SHANK2: variants seen among roughly 807,000 people sequenced by gnomAD.
SHANK2 encodes the protein SH3 and multiple ankyrin repeat domains protein 2.
A neutral mutation model predicts 133.7 loss-of-function variants in SHANK2; 43 were observed. The observed-to-expected ratio is 0.32, with a 90% confidence interval of 0.25 to 0.41. SHANK2 has a LOEUF of 0.41. Ranked by LOEUF, SHANK2 falls within the 10% of genes least tolerant of loss-of-function variation. The probability of loss-of-function intolerance (pLI) is 1.00; values close to 1 mark genes in which losing one functional copy is unlikely to be tolerated. For synonymous variants in SHANK2, 1,017 were observed against 952.8 expected (o/e 1.07, Z -1.24); for missense variants, 1,994 against 2,235.8 (o/e 0.89, Z 2.18).
intron 12 of SHANK2, among the ~76,000 whole-genome samples, chr11:70,819,245 G>A (rs974412172): frequency 6.6e-6 from 1 of 152,246 alleles, no homozygotes; most frequent in African/African-American, 2.4e-5. Flanking sequence ...GGCCTGTGCC[G>A]AGTCCTGCCC....
intron 17 of SHANK2, among the ~76,000 whole-genome samples, chr11:70,619,290 G>C (rs74584175): frequency 0.02 from 2,975 of 152,338 alleles, 46 homozygotes; most frequent in Non-Finnish European, 0.031. Context: ...CTGAGAGAGC[G>C]GCGTTGGCAG....
At chr11:71,113,660 C>G (rs1565458764) in intron 4 of SHANK2, among the ~76,000 whole-genome samples, 1 of 152,208 alleles carries the variant, frequency 6.6e-6, no homozygotes, top group Admixed American at 6.5e-5. Context: ...GTGACCGGCT[C>G]CCCAGCTAAC....
rs941264431 is a variant in SHANK2 at position 70,489,462 on chromosome 11, G to T, written c.2552-114C>A. Reference sequence around the variant, plus strand: ...AAGCACAGCAGACACCACCTCCACGGCCACTTACTGCCTAGTGACTGCCTA... The same window carrying T: ...AAGCACAGCAGACACCACCTCCACGTCCACTTACTGCCTAGTGACTGCCTA... On this transcript the variant is annotated intron_variant, in intron 23 of 25. Coordinates refer to ENST00000601538, the MANE Select transcript of SHANK2 (RefSeq NM_012309.5). The T allele has an allele frequency of 2.1e-5, 20 of 936,178 alleles. No homozygotes were observed. In the African/African-American group the frequency reaches 2.7e-4, roughly 13 times the overall value. The allele number at this position is 936,178 out of a possible 1,614,324, so 58.0% of individuals were successfully genotyped here.
intron 11 of SHANK2, among the ~76,000 whole-genome samples, chr11:70,858,097 G>T (rs1251602292): frequency 6.6e-6 from 1 of 152,200 alleles, no homozygotes; most frequent in East Asian, 1.9e-4. Context: ...GCCCAAATGT[G>T]CCAGGAGCTA....
chr11:71,121,900 C>T (rs2135280904), intron 3 of SHANK2, among the ~76,000 whole-genome samples: 1 of 152,306 alleles, frequency 6.6e-6, no homozygotes, highest in Middle Eastern at 3.4e-3. Flanking sequence ...AAAAAATGCT[C>T]ATCATCACTG....
At chr11:71,113,082 G>A (rs1951916082) in intron 5 of SHANK2, among the ~76,000 whole-genome samples, 2 of 152,048 alleles carry the variant, frequency 1.3e-5, no homozygotes, top group Admixed American at 1.3e-4. Context: ...AGCACCCACG[G>A]CCACACTAAG....
At chr11:70,680,806 T>TCGCAGATTGTGG (rs1945014078) in intron 15 of SHANK2, among the ~76,000 whole-genome samples, 1 of 152,152 alleles carries the variant, frequency 6.6e-6, no homozygotes, top group Admixed American at 6.5e-5. Flanking sequence ...CAACAATCTT[T>TCGCAGATTGTGG]CGCAGATTGT....
At chr11:71,252,895 T>C (rs1555126115), upstream of SHANK2, among the ~76,000 whole-genome samples, 1 of 152,200 alleles carries the variant, frequency 6.6e-6, no homozygotes, top group East Asian at 1.9e-4. The surrounding 1 kb of genome is among the most constrained non-coding windows in gnomAD (Gnocchi z 6.3). Flanking sequence ...AAGTCCCTGA[T>C]TTTTGTAAAG....
chr11:70,575,818 G>A (rs1196099835), intron 17 of SHANK2, among the ~76,000 whole-genome samples: 3 of 151,994 alleles, frequency 2.0e-5, no homozygotes, highest in East Asian at 3.9e-4. Flanking sequence ...CAAACTTGGG[G>A]GGCGTGGGCT....
intron 10 of SHANK2, among the ~76,000 whole-genome samples, chr11:70,949,321 G>A (rs1443801345): frequency 1.3e-5 from 2 of 152,190 alleles, no homozygotes; most frequent in Non-Finnish European, 2.9e-5. Context: ...GCACAGCAAC[G>A]TCCCCAGGCC....
At chr11:70,475,490 C>A (rs1391373089) in intron 25 of SHANK2, among the ~76,000 whole-genome samples, 1 of 152,148 alleles carries the variant, frequency 6.6e-6, no homozygotes, top group African/African-American at 2.4e-5. Context: ...TCTTTCTTTA[C>A]CATGGATGTA....
chr11:71,119,098 C>G, intron 3 of SHANK2, 66 bp from the exon 4 acceptor site: 2 of 1,441,704 alleles, frequency 1.4e-6, no homozygotes, highest in Non-Finnish European at 9.5e-7. Flanking sequence ...CCATGTGGGG[C>G]GCGTGGTCAG....
intron 25 of SHANK2, among the ~76,000 whole-genome samples, chr11:70,480,892 C>T (rs1404798761): frequency 2.6e-5 from 4 of 152,200 alleles, no homozygotes; most frequent in Non-Finnish European, 4.4e-5. Context: ...GAGGAGCTTC[C>T]GGCTCTGAGC....
At chr11:71,236,802 C>T (rs1392314177) in intron 1 of SHANK2, among the ~76,000 whole-genome samples, 3 of 152,200 alleles carry the variant, frequency 2.0e-5, no homozygotes, top group Non-Finnish European at 2.9e-5. Context: ...GTTGATAGAG[C>T]GAGACTCTTG....
chr11:71,178,049 C>T (rs1953481056), intron 2 of SHANK2, among the ~76,000 whole-genome samples: 1 of 152,170 alleles, frequency 6.6e-6, no homozygotes, highest in Non-Finnish European at 1.5e-5. Flanking sequence ...TAGAGAGTAA[C>T]ATCTGATCCA....
intron 8 of SHANK2, among the ~76,000 whole-genome samples, chr11:71,091,204 C>A (rs1454005488): frequency 2.0e-5 from 3 of 152,210 alleles, no homozygotes; most frequent in African/African-American, 7.2e-5. Flanking sequence ...TGCTTCCCTG[C>A]CTGCGGGCTC....
chr11:70,501,785 G>A lies in SHANK2; in HGVS notation c.2287+138C>T, dbSNP rs555626947. ...CCACGCTATCTACACACAGATCCCC[G>A]GAGGATGGAGCCTTCTGGTCTGAGC... On this transcript the variant is annotated intron_variant, in intron 20 of 25. Transcript: ENST00000601538. 178 of 849,732 alleles carry A rather than the reference G, an allele frequency of 2.1e-4. No homozygotes were observed. In the East Asian group the frequency reaches 3.4e-3, roughly 16 times the overall value. The allele number at this position is 849,732 out of a possible 1,614,324, so 52.6% of individuals were successfully genotyped here. A position where few individuals can be genotyped will look rare whatever the true frequency, so the allele number is the denominator to read the frequency against.
At chr11:70,661,337 C>T (rs1358630207) in intron 16 of SHANK2, among the ~76,000 whole-genome samples, 1 of 152,132 alleles carries the variant, frequency 6.6e-6, no homozygotes, top group Admixed American at 6.5e-5. Flanking sequence ...TTCAGAACAA[C>T]ATCATCTACA....
Position 71,118,882 on chromosome 11 carries a change from G to A in SHANK2, c.358C>T (p.Arg120Trp), listed in dbSNP as rs372935127. 1.1e-5 allele frequency: 17 copies of A among 1,551,744 alleles called. No individual in the cohort carries two copies. Among genetic ancestry groups the A allele is most frequent in the South Asian group, 2.4e-5 (2 of 84,056 alleles). Residue 120 changes from arginine (R) to tryptophan (W), a missense_variant, in exon 4 of 26, where the codon CGG becomes TGG. Coordinates refer to ENST00000601538, the MANE Select transcript of SHANK2 (RefSeq NM_012309.5). Reference sequence around the variant, plus strand: ...GGCTGTGGGTACTCGCGCAGGAGCCGCTCCTCATCCAGGAACTTGCCGTCA... The same window carrying A: ...GGCTGTGGGTACTCGCGCAGGAGCCACTCCTCATCCAGGAACTTGCCGTCA... ...GRDGKFLDEERLLREYPQPVG... is the reference protein window; with the variant it reads ...GRDGKFLDEEWLLREYPQPVG...
Sources: allele counts gnomAD v4.1 joint callset (sites outside exome capture counted in the v4.1 genomes callset), GRCh38; gene constraint gnomAD v4.1.1; non-coding constraint Gnocchi (gnomAD v3.1); transcripts MANE v1.5; gene names NCBI Gene and HGNC (gene_info 2026-07-23, HGNC 2026-07-21).